DNMT3A: variants seen among roughly 807,000 people sequenced by gnomAD.
DNMT3A encodes the protein DNA methyltransferase 3 alpha, also known as DNA (cytosine-5)-methyltransferase 3A.
A neutral mutation model predicts 117.6 loss-of-function variants in DNMT3A; 267 were observed. That is an observed-to-expected ratio of 2.27 (90% CI 2.05 to 2.51). The LOEUF is 2.51. DNMT3A is among the 30% of genes most tolerant of loss of function. DNMT3A has a pLI of 0.00. For synonymous variants in DNMT3A, 432 were observed against 474.8 expected, an observed-to-expected ratio of 0.91 and a Z score of 1.17; for missense variants, 1,029 against 1,260.2, an observed-to-expected ratio of 0.82 and a Z score of 2.78.
At chr2:25,303,222 G>A (rs543120666) in intron 2 of DNMT3A, among the ~76,000 whole-genome samples, 12 of 152,182 alleles carry the variant, frequency 7.9e-5, no homozygotes, top group African/African-American at 1.9e-4. Context: ...CAACCAGAGC[G>A]TCTGATCAGT....
At chr2:25,262,739 C>T (rs1676719760) in intron 6 of DNMT3A, among the ~76,000 whole-genome samples, 1 of 152,194 alleles carries the variant, frequency 6.6e-6, no homozygotes, top group South Asian at 2.1e-4. Flanking sequence ...CTCCACTGGA[C>T]AACGAAGCCT....
rs777573131 is a variant in DNMT3A at position 25,275,520 on chromosome 2, T to C, written c.472A>G (p.Ile158Val). The C allele has an allele frequency of 1.3e-6, 2 of 1,586,530 alleles. No individual in the cohort carries two copies. Among genetic ancestry groups the C allele is most frequent in the Non-Finnish European group, 1.7e-6 (2 of 1,171,180 alleles). Reference protein sequence around the residue: ...EAGKEQKETNIESMKMEGSRG... With the variant: ...EAGKEQKETNVESMKMEGSRG... ...CTTGCCTCCATTTTCATGGATTCGA[T>C]GTTGGTCTCCTTCTGTTCTTTGCCT... is the stretch of plus-strand genomic sequence containing the variant. The change falls in exon 5 of 23, where the codon ATC becomes GTC. Residue 158 changes from isoleucine (I) to valine (V), a missense_variant. Transcript: ENST00000321117.
intron 6 of DNMT3A, among the ~76,000 whole-genome samples, chr2:25,268,572 GGGAGTGCCTTCCTTTGGGA>G (rs1320383283): frequency 2.0e-5 from 3 of 152,172 alleles, no homozygotes; most frequent in Non-Finnish European, 4.4e-5. Context: ...GAGGAGCTAA[GGGAGTGCCTTCCTTTGGGA>G]GGAGGAACTG....
intron 1 of DNMT3A, among the ~76,000 whole-genome samples, chr2:25,338,747 T>C (rs947766020): frequency 1.3e-5 from 2 of 152,098 alleles, no homozygotes; most frequent in African/African-American, 2.4e-5. Context: ...TTCCCCCGAG[T>C]GCAGGCCTGG....
intron 2 of DNMT3A, among the ~76,000 whole-genome samples, chr2:25,303,220 G>A (rs1316178932): frequency 6.6e-6 from 1 of 152,184 alleles, no homozygotes; most frequent in Non-Finnish European, 1.5e-5. Flanking sequence ...GCCAACCAGA[G>A]CGTCTGATCA....
At position 25,239,229 on chromosome 2, in the gene DNMT3A, G is replaced by A. The variant is rs1673707702; in HGVS notation, c.2323-14C>T. On this transcript the variant is annotated splice_polypyrimidine_tract_variant and intron_variant, in intron 19 of 22. Transcript: ENST00000321117. ...CACAGGGTTGGACTACAAAACAGGA[G>A]ACGGTTTGAAGATGAGCCAAGGAGG... 1.2e-6 allele frequency: 2 copies of A among 1,613,028 alleles called. No homozygotes were observed. Among genetic ancestry groups the A allele is most frequent in the Non-Finnish European group, 1.7e-6 (2 of 1,179,330 alleles).
rs540173622 is a variant in DNMT3A at position 25,282,567 on chromosome 2, C to A, written c.322G>T (p.Gly108Trp). 6.2e-7 allele frequency: 1 copy of A among 1,613,554 alleles called. No individual in the cohort carries two copies. ...EPQPEEGSPA[G>W]GQKGGAPAEG... ...GCTGGGGCCCCGCCCTTCTGCCCCC[C>A]AGCAGGGCTCCCCTCCTCTGGCTGG... is the stretch of plus-strand genomic sequence containing the variant. The change falls in exon 4 of 23, where the codon GGG becomes TGG. Residue 108 changes from glycine (G) to tryptophan (W), a missense_variant. Physicochemically the swap from Gly to Trp is radical, Grantham distance 184 (BLOSUM62 -2). Transcript: ENST00000321117. This position sits in a 1 kb window ranked among gnomAD's most constrained non-coding sequence, Gnocchi z 5.2.
rs572199916 is a variant in DNMT3A at position 25,326,496 on chromosome 2, A to G, written c.-177-12335T>C. ...CCAGTTATCAGTTTATTCGCCCATC[A>G]TTGCCTGTGCTGTGAAGATGGAGCT... On this transcript the variant is annotated intron_variant, in intron 1 of 22. Transcript: ENST00000321117. Among the ~76,000 whole-genome samples, 34 of 152,310 alleles carry G rather than the reference A, an allele frequency of 2.2e-4. No homozygotes were observed. In the South Asian group the frequency reaches 7.0e-3, roughly 32 times the overall value.
intron 6 of DNMT3A, among the ~76,000 whole-genome samples, chr2:25,260,173 G>T (rs1455714726): frequency 3.3e-5 from 5 of 152,182 alleles, no homozygotes; most frequent in African/African-American, 1.2e-4. Flanking sequence ...CAATGCAGGC[G>T]ATACAATAAA....
intron 6 of DNMT3A, among the ~76,000 whole-genome samples, 180 bp downstream of exon 6, chr2:25,274,761 T>C (rs1435323063): frequency 6.6e-6 from 1 of 152,192 alleles, no homozygotes; most frequent in Non-Finnish European, 1.5e-5. Context: ...CACAGCCAGG[T>C]ATACAGTAAG....
In DNMT3A at chr2:25,254,071, CAAA is replaced by C. The variant is rs752382240; in HGVS notation, c.640-5822_640-5820del. Among the ~76,000 whole-genome samples, 3 of 71,078 alleles carry C rather than the reference CAAA, an allele frequency of 4.2e-5. No individual in the cohort carries two copies. Among genetic ancestry groups the C allele is most frequent in the Non-Finnish European group, 8.7e-5 (3 of 34,558 alleles). The allele number at this position is 71,078 out of a possible 152,430, so 46.6% of individuals were successfully genotyped here. A position where few individuals can be genotyped will look rare whatever the true frequency, so the allele number is the denominator to read the frequency against. ...TGGGCAACAGAGCGAGACTCCGTCT[CAAA>C]AAAAAAAAAAAAAAAGATCTGGACT... is the stretch of plus-strand genomic sequence containing the variant. On this transcript the variant is annotated intron_variant, in intron 6 of 22. Coordinates refer to ENST00000321117, the MANE Select transcript of DNMT3A (RefSeq NM_022552.5). This position sits in a 1 kb window ranked among gnomAD's most constrained non-coding sequence, Gnocchi z 4.7.
intron 16 of DNMT3A, chr2:25,242,038 G>T: frequency 3.0e-6 from 1 of 337,938 alleles, no homozygotes; most frequent in South Asian, 3.5e-5. Flanking sequence ...TCTACAACTT[G>T]GTCCTTCCAT....
At chr2:25,299,121 G>C (rs986906710) in intron 3 of DNMT3A, among the ~76,000 whole-genome samples, 4 of 152,190 alleles carry the variant, frequency 2.6e-5, no homozygotes, top group Non-Finnish European at 5.9e-5. Context: ...CAGCTGGAAG[G>C]GGGGTAAAAG....
chr2:25,243,890 C>T lies in DNMT3A; in HGVS notation c.1936+8G>A, dbSNP rs529573762. Reference sequence around the variant, plus strand: ...GCGGCCAGCACCTCTTGGGCCTGCACCCCTCACCTGTAGCGATTCCATCAA... The same window carrying T: ...GCGGCCAGCACCTCTTGGGCCTGCATCCCTCACCTGTAGCGATTCCATCAA... On this transcript the variant is annotated splice_region_variant and intron_variant, in intron 16 of 22. Transcript: ENST00000321117. 2.1e-5 allele frequency: 32 copies of T among 1,551,902 alleles called. No individual in the cohort carries two copies. In the South Asian group the frequency reaches 3.2e-4, roughly 16 times the overall value.
At chr2:25,243,283 C>A (rs1156991202) in intron 16 of DNMT3A, among the ~76,000 whole-genome samples, 6 of 142,990 alleles carry the variant, frequency 4.2e-5, no homozygotes, top group African/African-American at 7.9e-5. Flanking sequence ...CCAGCCTGGG[C>A]AACAGACTCC....
intron 2 of DNMT3A, among the ~76,000 whole-genome samples, chr2:25,308,165 T>C (rs1211745083): frequency 1.3e-5 from 2 of 151,558 alleles, no homozygotes; most frequent in Non-Finnish European, 2.9e-5. Context: ...AAGGTGTAGG[T>C]AGGTAGGTAG....
rs1284984474 is a variant in DNMT3A, at chr2:25,311,657, A to G, written c.72+2256T>C. 1.3e-5 allele frequency among the ~76,000 whole-genome samples: 2 copies of G among 152,164 alleles called. No homozygotes were observed. Among genetic ancestry groups the G allele is most frequent in the African/African-American group, 4.8e-5 (2 of 41,422 alleles). The stretch of plus-strand genomic sequence containing the variant: ...GCAGTTACTATGGGTAGATAATAAT[A>G]GCAATCGTAATCCCTCATAATTGGA... On this transcript the variant is annotated intron_variant, in intron 2 of 22. Coordinates refer to ENST00000321117, the MANE Select transcript of DNMT3A (RefSeq NM_022552.5). The surrounding 1 kb of genome is among the most constrained non-coding windows in gnomAD (Gnocchi z 5.2).
rs3039391 is a variant in DNMT3A at position 25,300,712 on chromosome 2, A to AATATAT, written c.73-475_73-470dup. 3.7e-4 allele frequency among the ~76,000 whole-genome samples: 7 copies of AATATAT among 18,920 alleles called. 1 individual carries two copies. The highest frequency in any genetic ancestry group is 8.9e-4 in the Admixed American group (1 of 1,124). 12.4% of individuals were successfully genotyped at this position (18,920 alleles called of 152,430 possible). A position where few individuals can be genotyped will look rare whatever the true frequency, so the allele number is the denominator to read the frequency against. ...ATATATTTATATATCTAAATAATAT[A>AATATAT]ATATATATATATATATATATATATA... On this transcript the variant is annotated intron_variant, in intron 2 of 22. Coordinates refer to ENST00000321117, the MANE Select transcript of DNMT3A (RefSeq NM_022552.5).
Position 25,252,131 on chromosome 2 carries a change from C to T in DNMT3A, c.640-3879G>A. 1 of 1,536,764 alleles carries T rather than the reference C, an allele frequency of 6.5e-7. No individual in the cohort carries two copies. ...TTCAAACCCGGAGGGCTGCGGAGAT[C>T]CTCCCACCGGCCCTGCCGCCTCCCC... On this transcript the variant is annotated intron_variant, in intron 6 of 22. Transcript: ENST00000321117. The surrounding 1 kb of genome is among the most constrained non-coding windows in gnomAD (Gnocchi z 5.5).
Sources: gnomAD v4.1 joint callset for allele counts (sites outside exome capture counted in the v4.1 genomes callset) on GRCh38, gnomAD v4.1.1 for gene constraint, Gnocchi (gnomAD v3.1) non-coding constraint, MANE v1.5 for transcripts, NCBI Gene and HGNC (gene_info 2026-07-23, HGNC 2026-07-21) for gene names.